Variants in MAML2 observed in about 807,000 individuals in gnomAD.
MAML2 encodes mastermind like transcriptional coactivator 2, also known as mastermind-like protein 2.
In MAML2, 22 loss-of-function variants were observed where a neutral mutation model predicts 96.1. The ratio of observed to expected loss-of-function variants is 0.23; its 90% CI spans 0.16 to 0.33. MAML2 has a LOEUF of 0.33. Among genes scored for constraint, MAML2 ranks in the 10% least tolerant of loss-of-function variants. The pLI is 1.00. For missense variants in MAML2, 1,367 were observed against 1,392.4 expected (o/e 0.98, Z 0.29); for synonymous variants, 561 against 521.3 (o/e 1.08, Z -1.04).
chr11:96,290,422 T>C (rs1246888419), intron 1 of MAML2, among the ~76,000 whole-genome samples: 1 of 152,238 alleles, frequency 6.6e-6, no homozygotes, highest in East Asian at 1.9e-4. Flanking sequence ...TCTATTCTGC[T>C]TCTTCTATGT....
At chr11:96,111,924 C>A (rs1208453846) in intron 1 of MAML2, among the ~76,000 whole-genome samples, 1 of 142,240 alleles carries the variant, frequency 7.0e-6, no homozygotes, top group Admixed American at 7.4e-5. Context: ...CTTATGTGTC[C>A]ATTCACAAGG....
At chr11:96,283,951 T>C (rs1863104277) in intron 1 of MAML2, among the ~76,000 whole-genome samples, 1 of 152,216 alleles carries the variant, frequency 6.6e-6, no homozygotes, top group African/African-American at 2.4e-5. Context: ...ACAATTGTCT[T>C]CCTTTTTCAA....
At chr11:96,274,113 C>T (rs1397157338) in intron 1 of MAML2, among the ~76,000 whole-genome samples, 1 of 126,446 alleles carries the variant, frequency 7.9e-6, no homozygotes, top group Non-Finnish European at 1.6e-5. Flanking sequence ...GAAGGAGTCT[C>T]GCTCTGTAGC....
chr11:95,982,228 T>C (rs987855008), intron 4 of MAML2, among the ~76,000 whole-genome samples: 1 of 152,200 alleles, frequency 6.6e-6, no homozygotes, highest in African/African-American at 2.4e-5. Flanking sequence ...ATTTCTCCCT[T>C]AGAAAAACAC....
chr11:96,271,054 C>A (rs916548720), intron 1 of MAML2, among the ~76,000 whole-genome samples: 2 of 152,194 alleles, frequency 1.3e-5, no homozygotes, highest in Non-Finnish European at 2.9e-5. Context: ...TTTAGCTTCT[C>A]GACTCTTGGA....
rs533832314 is a variant in MAML2, at chr11:96,301,419, C to T, written c.513+39964G>A. ...TACCTGGCTTGCCTCATCCTAGTCC[C>T]AGCCCACCTGTCAGTAACCACCAAC... On this transcript the variant is annotated intron_variant, in intron 1 of 4. Coordinates refer to ENST00000524717, the MANE Select transcript of MAML2 (RefSeq NM_032427.4). Among the ~76,000 whole-genome samples, 3 of 152,268 alleles carry T rather than the reference C, an allele frequency of 2.0e-5. No homozygotes were observed. In the South Asian group the frequency reaches 6.2e-4, roughly 32 times the overall value.
intron 1 of MAML2, among the ~76,000 whole-genome samples, chr11:96,237,942 T>C (rs1311461808): frequency 6.6e-6 from 1 of 152,236 alleles, no homozygotes; most frequent in East Asian, 1.9e-4. Context: ...ACTTACTACA[T>C]TGATAAAATT....
chr11:95,987,963 T>G (rs1206925166), intron 3 of MAML2, among the ~76,000 whole-genome samples: 1 of 152,020 alleles, frequency 6.6e-6, no homozygotes, highest in East Asian at 1.9e-4. Context: ...AATGTGGTGA[T>G]GTTCAACCAG....
At chr11:96,330,889 A>G (rs1000764086) in intron 1 of MAML2, among the ~76,000 whole-genome samples, 6 of 152,202 alleles carry the variant, frequency 3.9e-5, no homozygotes, top group Non-Finnish European at 8.8e-5. Flanking sequence ...CAAGGGGGAA[A>G]AAAGCATCCA....
intron 2 of MAML2, among the ~76,000 whole-genome samples, chr11:96,044,898 T>C (rs1858871537): frequency 6.6e-6 from 1 of 152,238 alleles, no homozygotes; most frequent in African/African-American, 2.4e-5. Flanking sequence ...AGTATCAGGA[T>C]GACTTTCGTG....
chr11:96,178,782 G>C (rs1048785774), intron 1 of MAML2, among the ~76,000 whole-genome samples: 4 of 152,140 alleles, frequency 2.6e-5, no homozygotes, highest in Admixed American at 1.3e-4. Context: ...CTGGTAGCCG[G>C]TTTTGCTGTT....
At chr11:96,085,759 T>C (rs1403988641) in intron 2 of MAML2, among the ~76,000 whole-genome samples, 3 of 152,168 alleles carry the variant, frequency 2.0e-5, no homozygotes, top group Non-Finnish European at 4.4e-5. Flanking sequence ...ATAGAAGCCA[T>C]TCCCCTAACT....
chr11:96,235,656 C>T (rs1478040546), intron 1 of MAML2, among the ~76,000 whole-genome samples: 1 of 152,124 alleles, frequency 6.6e-6, no homozygotes, highest in African/African-American at 2.4e-5. Flanking sequence ...TGTCTGTGTT[C>T]TAAGGGGATT....
chr11:96,134,018 C>A (rs909245154), intron 1 of MAML2, among the ~76,000 whole-genome samples: 2 of 151,836 alleles, frequency 1.3e-5, no homozygotes, highest in African/African-American at 4.8e-5. Context: ...AAAAAGAAAA[C>A]AGAAAAAAGA....
chr11:96,166,544 G>A (rs540491370), intron 1 of MAML2, among the ~76,000 whole-genome samples: 23 of 152,304 alleles, frequency 1.5e-4, no homozygotes, highest in Non-Finnish European at 2.9e-4. Context: ...GCTGATGTTT[G>A]AAGTTTCCTA....
intron 1 of MAML2, among the ~76,000 whole-genome samples, chr11:96,336,579 T>C (rs918055783): frequency 6.6e-6 from 1 of 152,174 alleles, no homozygotes; most frequent in Admixed American, 6.5e-5. Flanking sequence ...AACATAAACA[T>C]ATATAAGGGT....
chr11:96,116,910 T>G (rs1424321650), intron 1 of MAML2, among the ~76,000 whole-genome samples: 1 of 152,194 alleles, frequency 6.6e-6, no homozygotes, highest in Non-Finnish European at 1.5e-5. Context: ...AAAAGCTAAG[T>G]AGCGTTTTAT....
chr11:96,219,847 A>G (rs1174694211), intron 1 of MAML2, among the ~76,000 whole-genome samples: 2 of 152,130 alleles, frequency 1.3e-5, no homozygotes, highest in African/African-American at 4.8e-5. Context: ...GCTGGTCTCG[A>G]ACTCCTGACC....
intron 1 of MAML2, among the ~76,000 whole-genome samples, chr11:96,201,784 T>C (rs530875412): frequency 6.6e-6 from 1 of 150,918 alleles, no homozygotes; most frequent in East Asian, 2.0e-4. Context: ...CCCAGCGTGG[T>C]GGCGGGCACC....
Sources: allele counts gnomAD v4.1 joint callset (sites outside exome capture counted in the v4.1 genomes callset), GRCh38; gene constraint gnomAD v4.1.1; transcripts MANE v1.5; gene names NCBI Gene and HGNC (gene_info 2026-07-23, HGNC 2026-07-21).